Variants in VPS41 observed in about 807,000 individuals in gnomAD.
VPS41 encodes vacuolar protein sorting-associated protein 41 homolog.
VPS41 carries 85 observed loss-of-function variants against 130.9 expected under a neutral mutation model. The ratio of observed to expected loss-of-function variants is 0.65; its 90% CI spans 0.55 to 0.78. The LOEUF is 0.78. VPS41 is among the 30% of genes least tolerant of loss of function. The pLI, the probability that VPS41 is intolerant of heterozygous loss-of-function variation, is 0.00. For missense variants in VPS41, 874 were observed against 1,018.7 expected, an observed-to-expected ratio of 0.86 and a Z score of 1.93; for synonymous variants, 335 against 332.9, an observed-to-expected ratio of 1.01 and a Z score of -0.07.
At chr7:38,820,105 T>TC (rs1198057000) in intron 6 of VPS41, among the ~76,000 whole-genome samples, 1 of 152,170 alleles carries the variant, frequency 6.6e-6, no homozygotes, top group Non-Finnish European at 1.5e-5. Flanking sequence ...CCTGAGCTCT[T>TC]CCGTCTTTCA....
chr7:38,817,375 G>A (rs939878295), intron 7 of VPS41, among the ~76,000 whole-genome samples: 11 of 152,204 alleles, frequency 7.2e-5, no homozygotes, highest in Non-Finnish European at 1.5e-4. Context: ...AGGCCGAGGA[G>A]AGCAGATCAC....
chr7:38,857,414 T>C (rs1200456047), intron 4 of VPS41, among the ~76,000 whole-genome samples: 2 of 152,196 alleles, frequency 1.3e-5, no homozygotes, highest in East Asian at 3.8e-4. Context: ...ACAGTAGAAA[T>C]TTATGTTTGA....
chr7:38,771,939 T>C (rs1784160952), intron 13 of VPS41, among the ~76,000 whole-genome samples: 1 of 152,150 alleles, frequency 6.6e-6, no homozygotes, highest in African/African-American at 2.4e-5. Flanking sequence ...ACAAACTTAG[T>C]ACAACAAATA....
chr7:38,890,698 C>G (rs1005322472), intron 2 of VPS41, among the ~76,000 whole-genome samples: 1 of 144,048 alleles, frequency 6.9e-6, no homozygotes, highest in Non-Finnish European at 1.5e-5. Context: ...TTTTTTTTTT[C>G]TTTTAGAGAT....
intron 1 of VPS41, among the ~76,000 whole-genome samples, chr7:38,900,276 A>C (rs1235151605): frequency 6.6e-6 from 1 of 152,188 alleles, no homozygotes; most frequent in African/African-American, 2.4e-5. Flanking sequence ...AAAACAAAAC[A>C]AAACAAAATT....
intron 7 of VPS41, among the ~76,000 whole-genome samples, chr7:38,810,591 T>A (rs1463225730): frequency 6.6e-6 from 1 of 152,206 alleles, no homozygotes; most frequent in African/African-American, 2.4e-5. Context: ...ACCCATTGTT[T>A]GTAGAAGGTG....
intron 4 of VPS41, among the ~76,000 whole-genome samples, chr7:38,848,870 G>C (rs899406581): frequency 2.0e-5 from 3 of 152,054 alleles, no homozygotes; most frequent in Non-Finnish European, 2.9e-5. Flanking sequence ...ATCCAATCTG[G>C]GATAGTAGAT....
In VPS41 at chr7:38,796,742, T is replaced by C; in HGVS notation, c.570+3A>G. Reference sequence around the variant, plus strand: ...ATTAGGAAGACAGAGGCATATTTTTTACCATATTATTGGCCCAAGCAATCA... The same window carrying C: ...ATTAGGAAGACAGAGGCATATTTTTCACCATATTATTGGCCCAAGCAATCA... On this transcript the variant is annotated splice_donor_region_variant and intron_variant, in intron 8 of 28. Transcript: ENST00000310301. The C allele has an allele frequency of 6.2e-7, 1 of 1,613,770 alleles. No individual in the cohort carries two copies. The highest frequency in any genetic ancestry group is 1.3e-5 in the African/African-American group (1 of 75,026).
intron 4 of VPS41, among the ~76,000 whole-genome samples, chr7:38,851,226 G>A (rs1214405653): frequency 6.6e-6 from 1 of 152,174 alleles, no homozygotes. Flanking sequence ...CTGCCACTGA[G>A]CAATGAAAAG....
At chr7:38,897,510 C>T (rs1007222186) in intron 2 of VPS41, among the ~76,000 whole-genome samples, 17 of 151,118 alleles carry the variant, frequency 1.1e-4, no homozygotes, top group Non-Finnish European at 2.1e-4. Flanking sequence ...CTGGGCGTGG[C>T]GGCGGGCGCC....
intron 9 of VPS41, among the ~76,000 whole-genome samples, chr7:38,794,254 T>A (rs1784581411): frequency 6.6e-6 from 1 of 152,172 alleles, no homozygotes; most frequent in African/African-American, 2.4e-5. Context: ...GAATCCCTTT[T>A]TCCATCCTAC....
Position 38,742,126 on chromosome 7 carries a change from A to C in VPS41, c.2123-5T>G, listed in dbSNP as rs1294345524. ...TTAACAAGCCAGTAATAAATGCTACAAAATACCACATAAAACAATGAACAT... is the reference window on the plus strand; with the variant it reads ...TTAACAAGCCAGTAATAAATGCTACCAAATACCACATAAAACAATGAACAT... On this transcript the variant is annotated splice_polypyrimidine_tract_variant and splice_region_variant and intron_variant, in intron 24 of 28. Transcript: ENST00000310301. 7 of 1,603,978 alleles carry C rather than the reference A, an allele frequency of 4.4e-6. No homozygotes were observed. The highest frequency in any genetic ancestry group is 5.9e-6 in the Non-Finnish European group (7 of 1,177,310).
intron 5 of VPS41, among the ~76,000 whole-genome samples, chr7:38,826,456 G>C (rs188178802): frequency 6.6e-6 from 1 of 152,114 alleles, no homozygotes; most frequent in Non-Finnish European, 1.5e-5. Context: ...CTAGAAAACT[G>C]TTTGGCAACC....
chr7:38,751,781 T>G (rs77088514), intron 22 of VPS41, among the ~76,000 whole-genome samples: 105 of 152,292 alleles, frequency 6.9e-4, no homozygotes, highest in African/African-American at 2.5e-3. Context: ...CAAACCTGAT[T>G]CCTGACTGGA....
At chr7:38,900,501 G>A (rs777126409) in intron 1 of VPS41, among the ~76,000 whole-genome samples, 2 of 152,078 alleles carry the variant, frequency 1.3e-5, no homozygotes, top group Non-Finnish European at 2.9e-5. Context: ...TGCAATATAT[G>A]TAACAAAATT....
intron 2 of VPS41, among the ~76,000 whole-genome samples, chr7:38,883,925 T>G (rs1786666247): frequency 6.6e-6 from 1 of 152,212 alleles, no homozygotes; most frequent in Non-Finnish European, 1.5e-5. Flanking sequence ...CTGTTAATAT[T>G]AATAGCTCAT....
At chr7:38,769,866 G>A (rs1784120097) in intron 14 of VPS41, among the ~76,000 whole-genome samples, 1 of 152,120 alleles carries the variant, frequency 6.6e-6, no homozygotes, top group Non-Finnish European at 1.5e-5. Context: ...CTTTCTAACA[G>A]GGAAATCTGA....
intron 1 of VPS41, among the ~76,000 whole-genome samples, chr7:38,902,978 G>C (rs1159656020): frequency 1.3e-5 from 2 of 152,154 alleles, no homozygotes; most frequent in Non-Finnish European, 2.9e-5. Flanking sequence ...TATCCTACTG[G>C]AAAAACATGT....
chr7:38,774,998 A>C (rs59847448), intron 11 of VPS41, among the ~76,000 whole-genome samples: 1 of 152,198 alleles, frequency 6.6e-6, no homozygotes, highest in Non-Finnish European at 1.5e-5. Flanking sequence ...AATGCCCATG[A>C]AAACAGGGCA....
Sources: allele counts gnomAD v4.1 joint callset (sites outside exome capture counted in the v4.1 genomes callset), GRCh38; gene constraint gnomAD v4.1.1; transcripts MANE v1.5; gene names NCBI Gene and HGNC (gene_info 2026-07-23, HGNC 2026-07-21).